The following B3GALT1 variants were observed in gnomAD, a reference collection of about 807,000 sequenced individuals.
The protein encoded by B3GALT1 is beta-1,3-galactosyltransferase 1.
B3GALT1 carries 10 observed loss-of-function variants against 23.2 expected under a neutral mutation model. The ratio of observed to expected loss-of-function variants is 0.43; its 90% CI spans 0.27 to 0.73. The LOEUF (loss-of-function observed/expected upper bound fraction) is 0.73, where lower values mean the gene tolerates loss of function less well. Among genes scored for constraint, B3GALT1 ranks in the 30% least tolerant of loss-of-function variants. The pLI, the probability that B3GALT1 is intolerant of heterozygous loss-of-function variation, is 0.21. For missense variants in B3GALT1, 299 were observed against 405.4 expected (o/e 0.74, Z 2.25); for synonymous variants, 156 against 141.5 (o/e 1.10, Z -0.73).
In B3GALT1 at chr2:167,577,437, A is replaced by C. The variant is rs549027331; in HGVS notation, c.-409-69472A>C. Among the ~76,000 whole-genome samples, 13 of 152,018 alleles carry C rather than the reference A, an allele frequency of 8.6e-5. No individual in the cohort carries two copies. The East Asian group carries it at 2.3e-3, about 27-fold the overall frequency. Reference sequence around the variant, plus strand: ...CTAGATTAATAATGGTATATAGATCAATTGAAAATGAACACCTTTATTTTT... The same window carrying C: ...CTAGATTAATAATGGTATATAGATCCATTGAAAATGAACACCTTTATTTTT... On this transcript the variant is annotated intron_variant, in intron 2 of 4. Transcript: ENST00000392690.
intron 1 of B3GALT1, among the ~76,000 whole-genome samples, chr2:167,481,718 C>A (rs1699565263): frequency 6.6e-6 from 1 of 152,194 alleles, no homozygotes. Flanking sequence ...CAGTAACAGC[C>A]TCCCAAAGCT....
At chr2:167,438,161 T>C (rs889349803) in intron 1 of B3GALT1, among the ~76,000 whole-genome samples, 1 of 152,214 alleles carries the variant, frequency 6.6e-6, no homozygotes, top group Admixed American at 6.5e-5. Flanking sequence ...AAAGAGATAA[T>C]TTCTTTGTAA....
chr2:167,445,342 T>C (rs965009250), intron 1 of B3GALT1, among the ~76,000 whole-genome samples: 2 of 152,214 alleles, frequency 1.3e-5, no homozygotes, highest in South Asian at 4.1e-4. Flanking sequence ...GTATATTCTG[T>C]TGATTTGGGG....
chr2:167,762,753 G>T (rs144008168), intron 3 of B3GALT1, among the ~76,000 whole-genome samples: 1 of 152,168 alleles, frequency 6.6e-6, no homozygotes, highest in Non-Finnish European at 1.5e-5. Context: ...TTCCTGAGAG[G>T]CTGGAGAGGA....
chr2:167,464,030 C>A (rs1387794561), intron 1 of B3GALT1, among the ~76,000 whole-genome samples: 1 of 152,126 alleles, frequency 6.6e-6, no homozygotes, highest in East Asian at 1.9e-4. Flanking sequence ...GTCTGAGAAA[C>A]TAAATTATTC....
At chr2:167,709,993 A>G (rs1221990344) in intron 3 of B3GALT1, among the ~76,000 whole-genome samples, 1 of 152,178 alleles carries the variant, frequency 6.6e-6, no homozygotes, top group Non-Finnish European at 1.5e-5. Flanking sequence ...GTAAGTACAG[A>G]TAATATGTTT....
chr2:167,654,982 A>G (rs1685933196), intron 3 of B3GALT1, among the ~76,000 whole-genome samples: 1 of 152,022 alleles, frequency 6.6e-6, no homozygotes. Context: ...AATTCCATGA[A>G]TAAAATGGAG....
chr2:167,333,769 G>A (rs1192666884), intron 1 of B3GALT1, among the ~76,000 whole-genome samples: 1 of 152,090 alleles, frequency 6.6e-6, no homozygotes, highest in East Asian at 1.9e-4. Context: ...TTAGGTTATT[G>A]CAATACTTCA....
chr2:167,489,142 A>G (rs1272096394), intron 1 of B3GALT1, among the ~76,000 whole-genome samples: 1 of 152,134 alleles, frequency 6.6e-6, no homozygotes, highest in Non-Finnish European at 1.5e-5. Context: ...TTCCATAGGC[A>G]GATCATTTGA....
chr2:167,513,068 CAAAAAAAA>C (rs544667836), intron 2 of B3GALT1, among the ~76,000 whole-genome samples: 5 of 72,540 alleles, frequency 6.9e-5, no homozygotes, highest in African/African-American at 1.7e-4. Flanking sequence ...ATTCATGCCA[CAAAAAAAA>C]AAAAAAAAAA....
intron 3 of B3GALT1, among the ~76,000 whole-genome samples, chr2:167,776,932 G>T (rs11691770): frequency 0.046 from 6,829 of 149,418 alleles, 167 homozygotes; most frequent in South Asian, 0.085. Context: ...ACTTATGTGT[G>T]TTGCTTCTCT....
chr2:167,827,397 C>G (rs111947905), intron 4 of B3GALT1, among the ~76,000 whole-genome samples: 1 of 152,214 alleles, frequency 6.6e-6, no homozygotes, highest in Non-Finnish European at 1.5e-5. Context: ...GGAAATATGA[C>G]GAGATCCTTG....
At chr2:167,775,352 C>T (rs560819551) in intron 3 of B3GALT1, among the ~76,000 whole-genome samples, 12 of 152,062 alleles carry the variant, frequency 7.9e-5, no homozygotes, top group South Asian at 2.1e-4. Context: ...GGGTGGATCA[C>T]GAGGTCAGGA....
intron 3 of B3GALT1, among the ~76,000 whole-genome samples, chr2:167,762,945 C>A (rs937273336): frequency 6.6e-6 from 1 of 152,186 alleles, no homozygotes; most frequent in African/African-American, 2.4e-5. Flanking sequence ...ATTTGTGATT[C>A]TGAAACAGTT....
chr2:167,457,464 T>C (rs768621717), intron 1 of B3GALT1, among the ~76,000 whole-genome samples: 1 of 151,918 alleles, frequency 6.6e-6, no homozygotes, highest in Non-Finnish European at 1.5e-5. Context: ...TGAGCCACCA[T>C]GCCTGGCCTT....
At chr2:167,304,330 A>G (rs1017201887) in intron 1 of B3GALT1, among the ~76,000 whole-genome samples, 2 of 152,314 alleles carry the variant, frequency 1.3e-5, no homozygotes, top group South Asian at 4.1e-4. Context: ...ATTTGAAAGT[A>G]TCATGTACAG....
chr2:167,715,612 C>G, intron 3 of B3GALT1: 2 of 1,613,902 alleles, frequency 1.2e-6, no homozygotes, highest in Non-Finnish European at 1.7e-6. Context: ...CTTCTTTTAA[C>G]TCTATTTCTA....
intron 1 of B3GALT1, among the ~76,000 whole-genome samples, chr2:167,295,782 TGTG>T (rs1696341284): frequency 6.6e-6 from 1 of 150,748 alleles, no homozygotes; most frequent in African/African-American, 2.5e-5. Context: ...TGTGTGTGTG[TGTG>T]TGTGTGTGTG....
chr2:167,818,313 C>T (rs1242145752), intron 3 of B3GALT1, among the ~76,000 whole-genome samples: 3 of 152,210 alleles, frequency 2.0e-5, no homozygotes, highest in Non-Finnish European at 4.4e-5. Context: ...AAATCATCAA[C>T]TAGACCTGAG....
Sources: allele counts gnomAD v4.1 joint callset (sites outside exome capture counted in the v4.1 genomes callset), GRCh38; gene constraint gnomAD v4.1.1; transcripts MANE v1.5; gene names NCBI Gene and HGNC (gene_info 2026-07-23, HGNC 2026-07-21).